The following ANKS1B variants were observed in gnomAD, a reference collection of about 807,000 sequenced individuals.
ANKS1B encodes the protein ankyrin repeat and sterile alpha motif domain-containing protein 1B.
In ANKS1B, 36 loss-of-function variants were observed where a neutral mutation model predicts 148.3. The ratio of observed to expected loss-of-function variants is 0.24; its 90% CI spans 0.19 to 0.32. The LOEUF (loss-of-function observed/expected upper bound fraction) is 0.32. Among genes scored for constraint, ANKS1B ranks in the 10% least tolerant of loss-of-function variants. ANKS1B has a pLI of 1.00. For missense variants in ANKS1B, 1,157 were observed against 1,542.6 expected (o/e 0.75, Z 4.19); for synonymous variants, 542 against 560.8 (o/e 0.97, Z 0.47).
intron 9 of ANKS1B, among the ~76,000 whole-genome samples, chr12:99,604,318 C>T (rs1386857627): frequency 5.3e-5 from 8 of 151,962 alleles, no homozygotes; most frequent in Admixed American, 5.2e-4. Context: ...TCCCTTATTA[C>T]TTGACAATGC....
intron 17 of ANKS1B, among the ~76,000 whole-genome samples, chr12:99,027,920 C>T (rs1401831542): frequency 6.6e-6 from 1 of 152,110 alleles, no homozygotes; most frequent in Non-Finnish European, 1.5e-5. Flanking sequence ...ATGATTATTG[C>T]CATAGCTACT....
intron 12 of ANKS1B, among the ~76,000 whole-genome samples, chr12:99,351,034 CAA>C (rs1161632517): frequency 6.6e-6 from 1 of 152,094 alleles, no homozygotes; most frequent in East Asian, 1.9e-4. Context: ...GAGTCATTTT[CAA>C]AATCACAAAG....
chr12:99,464,719 A>G (rs1302736087), intron 10 of ANKS1B, among the ~76,000 whole-genome samples: 1 of 152,216 alleles, frequency 6.6e-6, no homozygotes, highest in African/African-American at 2.4e-5. Context: ...GAATGAAATG[A>G]AGCCAGAAGG....
intron 17 of ANKS1B, among the ~76,000 whole-genome samples, chr12:98,870,430 A>G (rs1740776773): frequency 1.3e-5 from 2 of 152,196 alleles, no homozygotes; most frequent in South Asian, 4.1e-4. Flanking sequence ...TGAAGAGAAG[A>G]GCTTTGGGGA....
intron 17 of ANKS1B, among the ~76,000 whole-genome samples, chr12:99,037,803 G>A (rs2099956473): frequency 1.3e-5 from 2 of 152,220 alleles, no homozygotes; most frequent in African/African-American, 2.4e-5. Flanking sequence ...TTACATTCCT[G>A]CTGTGGGCAA....
At chr12:98,737,959 C>T (rs1216906140) in intron 9 of ANKS1B, among the ~76,000 whole-genome samples, 2 of 152,192 alleles carry the variant, frequency 1.3e-5, no homozygotes, top group African/African-American at 4.8e-5. Flanking sequence ...CACTGGAATA[C>T]ATTCCTTGCT....
chr12:99,962,527 C>T (rs2153832270), intron 1 of ANKS1B, among the ~76,000 whole-genome samples: 1 of 152,134 alleles, frequency 6.6e-6, no homozygotes, highest in Non-Finnish European at 1.5e-5. Flanking sequence ...GTGCATGTAC[C>T]TTTATAGAAT....
At chr12:98,773,643 C>T (rs140409611) in intron 24 of ANKS1B, among the ~76,000 whole-genome samples, 3,371 of 152,152 alleles carry the variant, frequency 0.022, 123 homozygotes, top group African/African-American at 0.076. Flanking sequence ...TTAGTAGAGA[C>T]GGGGTTTACA....
At chr12:99,841,145 G>T (rs1023497941) in intron 1 of ANKS1B, among the ~76,000 whole-genome samples, 1 of 152,008 alleles carries the variant, frequency 6.6e-6, no homozygotes, top group Non-Finnish European at 1.5e-5. Context: ...GTAATAGCTA[G>T]CTCATAGGGT....
At chr12:99,426,018 C>G (rs888477054) in intron 11 of ANKS1B, among the ~76,000 whole-genome samples, 1 of 152,074 alleles carries the variant, frequency 6.6e-6, no homozygotes, top group Admixed American at 6.6e-5. Flanking sequence ...CAGTGTGTGT[C>G]TCTATCTTTT....
intron 17 of ANKS1B, among the ~76,000 whole-genome samples, chr12:98,883,666 T>C (rs1567513456): frequency 6.6e-6 from 1 of 152,164 alleles, no homozygotes; most frequent in Non-Finnish European, 1.5e-5. Flanking sequence ...TTAAGATAAA[T>C]TATGCTGAAA....
At chr12:99,039,612 C>T (rs2099957661) in intron 17 of ANKS1B, among the ~76,000 whole-genome samples, 1 of 152,236 alleles carries the variant, frequency 6.6e-6, no homozygotes, top group Non-Finnish European at 1.5e-5. Flanking sequence ...GCCTCTCATC[C>T]ACTCTGCTGC....
chr12:99,505,526 C>T (rs1407034942), intron 9 of ANKS1B, among the ~76,000 whole-genome samples: 1 of 150,906 alleles, frequency 6.6e-6, no homozygotes, highest in East Asian at 1.9e-4. Flanking sequence ...GAATTTATTT[C>T]ATTTTATAAG....
intron 8 of ANKS1B, among the ~76,000 whole-genome samples, chr12:99,738,686 A>G (rs957369909): frequency 7.2e-5 from 11 of 152,158 alleles, no homozygotes; most frequent in African/African-American, 2.7e-4. Flanking sequence ...TTCTCACATC[A>G]CAGAATTGAA....
In ANKS1B at chr12:99,679,559, C is replaced by T. The variant is rs1035872704; in HGVS notation, c.1129-24349G>A. Among the ~76,000 whole-genome samples the T allele has an allele frequency of 4.6e-5, 7 of 152,174 alleles. No individual in the cohort carries two copies. The East Asian group carries it at 1.2e-3, about 25-fold the overall frequency. ...TCCTGACTTCAAGTGATCCGCCCTCCTCGGCCTCCCAAAGTGCTGGGATAA... is the reference window on the plus strand; with the variant it reads ...TCCTGACTTCAAGTGATCCGCCCTCTTCGGCCTCCCAAAGTGCTGGGATAA... On this transcript the variant is annotated intron_variant, in intron 8 of 26. Coordinates refer to ENST00000683438, the MANE Select transcript of ANKS1B (RefSeq NM_001352186.2).
chr12:99,772,382 G>T (rs2063273599), intron 8 of ANKS1B, among the ~76,000 whole-genome samples: 1 of 152,004 alleles, frequency 6.6e-6, no homozygotes, highest in Non-Finnish European at 1.5e-5. Flanking sequence ...TATCATAAAG[G>T]CGTTGTCACA....
At chr12:98,790,124 T>G (rs1401580213) in intron 22 of ANKS1B, among the ~76,000 whole-genome samples, 2 of 152,198 alleles carry the variant, frequency 1.3e-5, no homozygotes, top group Admixed American at 1.3e-4. Flanking sequence ...AAATGCCAAT[T>G]GCAAATGTGT....
chr12:99,040,337 T>A (rs1005522295), intron 17 of ANKS1B, among the ~76,000 whole-genome samples: 1 of 151,970 alleles, frequency 6.6e-6, no homozygotes, highest in Non-Finnish European at 1.5e-5. Flanking sequence ...GCACGCCTCA[T>A]AAGTTGCACC....
intron 1 of ANKS1B, among the ~76,000 whole-genome samples, chr12:99,865,867 C>T (rs2090673860): frequency 6.6e-6 from 1 of 152,052 alleles, no homozygotes; most frequent in African/African-American, 2.4e-5. Flanking sequence ...TGGGCAACAG[C>T]ATCCTTATTT....
Sources: gnomAD v4.1 joint callset for allele counts (sites outside exome capture counted in the v4.1 genomes callset) on GRCh38, gnomAD v4.1.1 for gene constraint, MANE v1.5 for transcripts, NCBI Gene and HGNC (gene_info 2026-07-23, HGNC 2026-07-21) for gene names.